ADAM22: variants seen among roughly 807,000 people sequenced by gnomAD.
The protein encoded by ADAM22 is ADAM metallopeptidase domain 22.
Under a neutral mutation model 144.6 loss-of-function variants are expected in ADAM22, and 65 were observed. The observed-to-expected ratio is 0.45, with a 90% CI of 0.37 to 0.55. The LOEUF is 0.55. ADAM22 is among the 20% of genes least tolerant of loss of function. The pLI is 0.00. For missense variants in ADAM22, 974 were observed against 1,184.9 expected, an observed-to-expected ratio of 0.82 and a Z score of 2.61; for synonymous variants, 391 against 412.6, an observed-to-expected ratio of 0.95 and a Z score of 0.63.
At chr7:88,075,206 C>G (rs1437357429) in intron 3 of ADAM22, among the ~76,000 whole-genome samples, 1 of 151,904 alleles carries the variant, frequency 6.6e-6, no homozygotes, top group Non-Finnish European at 1.5e-5. Flanking sequence ...GTGATGAAAA[C>G]TAACATTTTG....
At chr7:87,946,891 T>C (rs1003799024) in intron 2 of ADAM22, among the ~76,000 whole-genome samples, 4 of 152,216 alleles carry the variant, frequency 2.6e-5, no homozygotes, top group South Asian at 2.1e-4. Context: ...AATGATATTA[T>C]ATCCTTTGCA....
chr7:88,050,418 T>TA (rs1368776398), intron 3 of ADAM22, among the ~76,000 whole-genome samples: 4 of 111,722 alleles, frequency 3.6e-5, no homozygotes, highest in Non-Finnish European at 7.4e-5. Flanking sequence ...AAAAAGGAAT[T>TA]AAAAGAATTA....
At chr7:88,182,755 C>T (rs1847392965) in intron 29 of ADAM22, among the ~76,000 whole-genome samples, 1 of 152,068 alleles carries the variant, frequency 6.6e-6, no homozygotes, top group Non-Finnish European at 1.5e-5. Flanking sequence ...ACAAAACCTC[C>T]TCAAATCTTT....
At chr7:88,140,702 G>A (rs577241660) in intron 14 of ADAM22, among the ~76,000 whole-genome samples, 1 of 152,218 alleles carries the variant, frequency 6.6e-6, no homozygotes, top group South Asian at 2.1e-4. Flanking sequence ...TGGGCATGGT[G>A]GCACATGCCT....
At chr7:88,045,902 G>GTA (rs1804554017) in intron 3 of ADAM22, among the ~76,000 whole-genome samples, 1 of 149,282 alleles carries the variant, frequency 6.7e-6, no homozygotes, top group African/African-American at 2.5e-5. Flanking sequence ...GTGTGTGTGT[G>GTA]TGTGTGTGTG....
intron 29 of ADAM22, among the ~76,000 whole-genome samples, chr7:88,182,687 A>G (rs1450515618): frequency 6.6e-6 from 1 of 152,124 alleles, no homozygotes; most frequent in Non-Finnish European, 1.5e-5. Context: ...GTCATTTATA[A>G]TGAAGTAAAT....
At chr7:87,970,044 TTGTAATACAGTTC>T (rs1324986178) in intron 2 of ADAM22, among the ~76,000 whole-genome samples, 1 of 152,190 alleles carries the variant, frequency 6.6e-6, no homozygotes, top group Non-Finnish European at 1.5e-5. Context: ...ACAGATGCCA[TTGTAATACAGTTC>T]TGCTTCACAA....
intron 3 of ADAM22, among the ~76,000 whole-genome samples, chr7:87,996,249 T>G (rs993519531): frequency 2.0e-5 from 3 of 152,156 alleles, no homozygotes; most frequent in African/African-American, 7.2e-5. Context: ...TTGTGATGTC[T>G]TAGTTCAGGC....
intron 3 of ADAM22, among the ~76,000 whole-genome samples, chr7:88,037,992 T>A (rs559477547): frequency 2.0e-5 from 3 of 152,288 alleles, no homozygotes; most frequent in African/African-American, 7.2e-5. Flanking sequence ...TTGTACCCCA[T>A]GGACATAGTG....
At chr7:87,968,520 G>A (rs1337102060) in intron 2 of ADAM22, among the ~76,000 whole-genome samples, 1 of 152,080 alleles carries the variant, frequency 6.6e-6, no homozygotes, top group East Asian at 1.9e-4. Flanking sequence ...CTGCACTCCA[G>A]CCTGGGCAAC....
At chr7:88,167,888 A>G (rs868422611) in intron 24 of ADAM22, among the ~76,000 whole-genome samples, 2 of 152,202 alleles carry the variant, frequency 1.3e-5, no homozygotes, top group Non-Finnish European at 2.9e-5. Context: ...TAATGACATC[A>G]TGGTTTCTGG....
chr7:88,001,098 A>C, intron 3 of ADAM22, among the ~76,000 whole-genome samples: 1 of 152,240 alleles, frequency 6.6e-6, no homozygotes, highest in Non-Finnish European at 1.5e-5. Context: ...ACTCTGGTAC[A>C]TCTGTCTTTC....
chr7:87,983,904 A>G (rs187661810), intron 3 of ADAM22, among the ~76,000 whole-genome samples: 35 of 152,166 alleles, frequency 2.3e-4, no homozygotes, highest in Middle Eastern at 3.4e-3. Context: ...CCCATTGGTG[A>G]CACCAACCCT....
intron 4 of ADAM22, among the ~76,000 whole-genome samples, chr7:88,097,531 AC>A (rs1440418464): frequency 6.6e-6 from 1 of 151,864 alleles, no homozygotes; most frequent in East Asian, 1.9e-4. Context: ...TTGAAGTGAA[AC>A]TAAAGGAGGT....
At position 88,085,759 on chromosome 7, in the gene ADAM22, C is replaced by A. The variant is rs142701973; in HGVS notation, c.390+10067C>A. Among the ~76,000 whole-genome samples, 11 of 152,300 alleles carry A rather than the reference C, an allele frequency of 7.2e-5. No individual in the cohort carries two copies. In the East Asian group the frequency reaches 1.9e-3, roughly 27 times the overall value. ...TTGCTGCATCCCAAGCCCTTTTCAT[C>A]CTCCTCTTGTAAGATTTGTAAACAC... On this transcript the variant is annotated intron_variant, in intron 4 of 31. Transcript: ENST00000413139.
At chr7:87,972,574 G>A (rs1218604919) in intron 2 of ADAM22, among the ~76,000 whole-genome samples, 3 of 151,768 alleles carry the variant, frequency 2.0e-5, no homozygotes, top group Non-Finnish European at 2.9e-5. Context: ...ACAGAATTGG[G>A]AAAAACTACT....
At chr7:88,061,627 G>A (rs147454232) in intron 3 of ADAM22, among the ~76,000 whole-genome samples, 1,604 of 152,034 alleles carry the variant, frequency 0.011, 23 homozygotes, top group African/African-American at 0.036. Context: ...TCTCAATGAC[G>A]GGCTGAAAAT....
chr7:88,112,768 C>T (rs1826387591), intron 5 of ADAM22, among the ~76,000 whole-genome samples: 1 of 152,154 alleles, frequency 6.6e-6, no homozygotes, highest in African/African-American at 2.4e-5. Flanking sequence ...AGTACAGTGG[C>T]ACAATCATCA....
chr7:88,134,384 T>C lies in ADAM22; in HGVS notation c.1133T>C (p.Ile378Thr). 1 of 1,611,138 alleles carries C rather than the reference T, an allele frequency of 6.2e-7. No homozygotes were observed. The highest frequency in any genetic ancestry group is 8.5e-7 in the Non-Finnish European group (1 of 1,178,964). Reference sequence around the variant, plus strand: ...CTTGCCCAGTCATTAGCCCATAATATTGGTATTATCTCAGACAAAAGAAAG... The same window carrying C: ...CTTGCCCAGTCATTAGCCCATAATACTGGTATTATCTCAGACAAAAGAAAG... ...VTLAQSLAHN[I>T]GIISDKRKLA... Residue 378 changes from isoleucine to threonine, a missense_variant, in exon 13 of 32, where the codon ATT (isoleucine) becomes ACT (threonine). By Grantham distance (89) the Ile-to-Thr change is moderately conservative (BLOSUM62 -1). Coordinates refer to ENST00000413139, the MANE Select transcript of ADAM22 (RefSeq NM_001324418.2).
Sources: allele counts gnomAD v4.1 joint callset (sites outside exome capture counted in the v4.1 genomes callset), GRCh38; gene constraint gnomAD v4.1.1; transcripts MANE v1.5; gene names NCBI Gene and HGNC (gene_info 2026-07-23, HGNC 2026-07-21).